WWOX: variants seen among roughly 807,000 people sequenced by gnomAD.
The protein encoded by WWOX is WW domain containing oxidoreductase.
In WWOX, 69 loss-of-function variants were observed where a neutral mutation model predicts 46.2. That is an observed-to-expected ratio of 1.49 (90% CI 1.23 to 1.82). The LOEUF (loss-of-function observed/expected upper bound fraction) is 1.82. Among genes scored for constraint, WWOX ranks in the 40% most tolerant of loss-of-function variants. The probability of loss-of-function intolerance (pLI) is 0.00; values close to 1 mark genes in which losing one functional copy is unlikely to be tolerated. For missense variants in WWOX, 919 were observed against 542.6 expected, an observed-to-expected ratio of 1.69 and a Z score of -6.89; for synonymous variants, 359 against 202.6, an observed-to-expected ratio of 1.77 and a Z score of -6.56.
At chr16:78,548,354 C>G (rs191409627) in intron 8 of WWOX, among the ~76,000 whole-genome samples, 2 of 149,004 alleles carry the variant, frequency 1.3e-5, no homozygotes, top group Admixed American at 1.4e-4. Flanking sequence ...AAAAAAAAAT[C>G]CAGATTGCTT....
chr16:78,539,675 G>A (rs570830908), intron 8 of WWOX, among the ~76,000 whole-genome samples: 2 of 152,320 alleles, frequency 1.3e-5, no homozygotes, highest in South Asian at 2.1e-4. Context: ...GGCTGCCTGG[G>A]AAATGAAATT....
chr16:78,384,464 TCAGA>T (rs950713642), intron 5 of WWOX, among the ~76,000 whole-genome samples: 54 of 152,290 alleles, frequency 3.5e-4, no homozygotes, highest in African/African-American at 1.3e-3. Flanking sequence ...TATCAGTTAC[TCAGA>T]CAGCTTATGA....
At chr16:78,423,056 T>C (rs1017473621) in intron 6 of WWOX, among the ~76,000 whole-genome samples, 3 of 151,854 alleles carry the variant, frequency 2.0e-5, no homozygotes, top group Admixed American at 1.3e-4. Context: ...GGGCTAACTT[T>C]TGTATTTTTA....
intron 8 of WWOX, among the ~76,000 whole-genome samples, chr16:78,906,150 C>T (rs566715740): frequency 1.3e-5 from 2 of 152,294 alleles, no homozygotes; most frequent in East Asian, 3.9e-4. Context: ...CCAAAATCCT[C>T]AGCGAAACCT....
chr16:79,197,411 G>C (rs565056129), intron 8 of WWOX, among the ~76,000 whole-genome samples: 1 of 152,164 alleles, frequency 6.6e-6, no homozygotes, highest in Admixed American at 6.6e-5. Context: ...CTTGTGGTGA[G>C]AGTATTCATA....
chr16:79,168,653 C>T (rs902787794), intron 8 of WWOX, among the ~76,000 whole-genome samples: 1 of 152,104 alleles, frequency 6.6e-6, no homozygotes, highest in South Asian at 2.1e-4. Context: ...ACTAGAATTT[C>T]CAGGTACTTT....
intron 8 of WWOX, among the ~76,000 whole-genome samples, chr16:79,176,428 C>G (rs1445029505): frequency 1.3e-5 from 2 of 152,194 alleles, no homozygotes; most frequent in Non-Finnish European, 2.9e-5. Flanking sequence ...TCCTCTAGCC[C>G]TTTGCTCAGG....
chr16:78,322,903 C>T (rs566581676), intron 5 of WWOX, among the ~76,000 whole-genome samples: 2 of 152,284 alleles, frequency 1.3e-5, no homozygotes, highest in South Asian at 2.1e-4. Context: ...ATGATCACAA[C>T]TTACTCTGAT....
intron 8 of WWOX, among the ~76,000 whole-genome samples, chr16:79,150,108 G>A (rs557164336): frequency 6.6e-5 from 10 of 152,200 alleles, no homozygotes; most frequent in Non-Finnish European, 1.5e-4. Context: ...GTGATTCACT[G>A]GCAATGGCTC....
intron 8 of WWOX, among the ~76,000 whole-genome samples, chr16:78,498,118 T>C (rs1224794822): frequency 6.9e-6 from 1 of 145,616 alleles, no homozygotes; most frequent in Non-Finnish European, 1.5e-5. Context: ...GGCAGGAGAA[T>C]GGCATGAACA....
rs200558161 is a variant in WWOX, at chr16:78,391,084, T to C, written c.605+4136T>C. Among the ~76,000 whole-genome samples the C allele has an allele frequency of 5.9e-5, 9 of 152,280 alleles. No homozygotes were observed. In the East Asian group the frequency reaches 1.7e-3, roughly 29 times the overall value. ...AGAAACAGATTCTTAGTACAAACAC[T>C]GGTGAGAAAAGCAGCATATTGTACT... On this transcript the variant is annotated intron_variant, in intron 6 of 8. Transcript: ENST00000566780.
At chr16:78,873,767 C>T (rs2044176690) in intron 8 of WWOX, among the ~76,000 whole-genome samples, 1 of 152,014 alleles carries the variant, frequency 6.6e-6, no homozygotes, top group Non-Finnish European at 1.5e-5. Flanking sequence ...CCAGCCTGGG[C>T]AACAGAGAGA....
intron 5 of WWOX, among the ~76,000 whole-genome samples, chr16:78,191,053 A>C (rs2035867674): frequency 6.6e-6 from 1 of 152,106 alleles, no homozygotes; most frequent in African/African-American, 2.4e-5. Context: ...TGTTAAGAGA[A>C]AATCTACTTT....
At chr16:78,782,424 T>A (rs1308426672) in intron 8 of WWOX, among the ~76,000 whole-genome samples, 1 of 152,206 alleles carries the variant, frequency 6.6e-6, no homozygotes, top group East Asian at 1.9e-4. Flanking sequence ...TCTCTTATGC[T>A]GGGGCAACGC....
chr16:78,581,428 GTTTTA>G (rs1170418504), intron 8 of WWOX, among the ~76,000 whole-genome samples: 7 of 152,104 alleles, frequency 4.6e-5, no homozygotes, highest in Non-Finnish European at 1.0e-4. Context: ...ACAGGAACTG[GTTTTA>G]TTTTAATTGA....
chr16:78,115,324 A>G (rs1166278939), intron 4 of WWOX, among the ~76,000 whole-genome samples, 170 bp downstream of exon 4: 2 of 152,200 alleles, frequency 1.3e-5, no homozygotes, highest in Non-Finnish European at 2.9e-5. Context: ...TAATGTTGTC[A>G]TGGAAGCCTG....
chr16:78,246,647 G>C (rs1482284151), intron 5 of WWOX, among the ~76,000 whole-genome samples: 1 of 152,212 alleles, frequency 6.6e-6, no homozygotes, highest in Non-Finnish European at 1.5e-5. Flanking sequence ...AACGTCTTCT[G>C]TGGCATGGAA....
chr16:78,523,386 C>G (rs781391069), intron 8 of WWOX, among the ~76,000 whole-genome samples: 62 of 152,310 alleles, frequency 4.1e-4, no homozygotes, highest in Non-Finnish European at 7.8e-4. Flanking sequence ...TCAAATGGCT[C>G]TATAAGAGAG....
intron 5 of WWOX, among the ~76,000 whole-genome samples, chr16:78,199,744 T>G (rs76592093): frequency 6.6e-6 from 1 of 152,112 alleles, no homozygotes; most frequent in Non-Finnish European, 1.5e-5. Context: ...ATAAAAAAAA[T>G]CACATTTGTG....
Sources: allele counts gnomAD v4.1 joint callset (sites outside exome capture counted in the v4.1 genomes callset), GRCh38; gene constraint gnomAD v4.1.1; transcripts MANE v1.5; gene names NCBI Gene and HGNC (gene_info 2026-07-23, HGNC 2026-07-21).